Variants in FAF1 observed in about 807,000 individuals in gnomAD.
The protein encoded by FAF1 is Fas associated factor 1.
FAF1 carries 25 observed loss-of-function variants against 92.5 expected under a neutral mutation model. That is an observed-to-expected ratio of 0.27 (90% confidence interval 0.20 to 0.38). FAF1 has a LOEUF of 0.38. Ranked by LOEUF, FAF1 falls within the 10% of genes least tolerant of loss-of-function variation. The pLI, the probability that FAF1 is intolerant of heterozygous loss-of-function variation, is 1.00. For missense variants in FAF1, 636 were observed against 793.3 expected (o/e 0.80, Z 2.38); for synonymous variants, 234 against 273.2 (o/e 0.86, Z 1.42).
intron 15 of FAF1, among the ~76,000 whole-genome samples, chr1:50,522,016 C>T (rs1647523245): frequency 6.6e-6 from 1 of 152,194 alleles, no homozygotes; most frequent in African/African-American, 2.4e-5. Flanking sequence ...TCAGCAGGCA[C>T]TTTAAGAACA....
chr1:50,762,709 A>C (rs561993974), intron 4 of FAF1, among the ~76,000 whole-genome samples: 1 of 152,218 alleles, frequency 6.6e-6, no homozygotes, highest in African/African-American at 2.4e-5. Context: ...TAAAGACTTA[A>C]ATGTTAGACC....
chr1:50,821,193 A>G (rs905190780), intron 2 of FAF1, among the ~76,000 whole-genome samples: 2 of 152,212 alleles, frequency 1.3e-5, no homozygotes, highest in Non-Finnish European at 2.9e-5. Context: ...AGCTAACATC[A>G]ATATGCAACT....
At chr1:50,447,211 C>T (rs535569841) in intron 18 of FAF1, among the ~76,000 whole-genome samples, 3 of 149,592 alleles carry the variant, frequency 2.0e-5, no homozygotes, top group Middle Eastern at 3.4e-3. Flanking sequence ...CTGCAAGCTC[C>T]GCCTCCCGGG....
intron 2 of FAF1, among the ~76,000 whole-genome samples, chr1:50,806,072 TAA>T (rs1215948079): frequency 2.0e-5 from 3 of 151,506 alleles, no homozygotes; most frequent in Non-Finnish European, 4.4e-5. Context: ...ATTAAGAAAA[TAA>T]AAAGACAAGC....
rs1208758621 is a variant in FAF1, at chr1:50,583,729, A to G, written c.968-14T>C. 1 of 1,560,840 alleles carries G rather than the reference A, an allele frequency of 6.4e-7. No homozygotes were observed. The highest frequency in any genetic ancestry group is 1.8e-5 in the Admixed American group (1 of 55,730). The stretch of plus-strand genomic sequence containing the variant: ...CGTTTTCTGGCACTAAAAAACAAAC[A>G]AAAGAAAAAACAAAAACAAAAAAAC... On this transcript the variant is annotated splice_polypyrimidine_tract_variant and intron_variant, in intron 10 of 18. Transcript: ENST00000396153. This position sits in a 1 kb window ranked among gnomAD's most constrained non-coding sequence, Gnocchi z 4.2.
chr1:50,494,394 G>A (rs1464676713), intron 15 of FAF1, among the ~76,000 whole-genome samples: 3 of 152,152 alleles, frequency 2.0e-5, no homozygotes, highest in Admixed American at 1.3e-4. Context: ...TACTGTCCTT[G>A]TAGAGGTTCC....
At chr1:50,883,163 A>G (rs1270378628) in intron 1 of FAF1, among the ~76,000 whole-genome samples, 1 of 152,114 alleles carries the variant, frequency 6.6e-6, no homozygotes, top group African/African-American at 2.4e-5. Flanking sequence ...GTCCAAAACA[A>G]CACTGGGCAA....
chr1:50,780,528 C>T lies in FAF1; in HGVS notation c.367+7472G>A, dbSNP rs140298602. On this transcript the variant is annotated intron_variant, in intron 4 of 18. Transcript: ENST00000396153. Reference sequence around the variant, plus strand: ...TTTCTCATCCCCTGGGTACGGAAACCAATGATCTTTGACTTTCACTCTTGA... The same window carrying T: ...TTTCTCATCCCCTGGGTACGGAAACTAATGATCTTTGACTTTCACTCTTGA... 3.6e-5 allele frequency: 7 copies of T among 194,540 alleles called. No homozygotes were observed. The East Asian group carries it at 1.0e-3, about 28-fold the overall frequency. 12.1% of individuals were successfully genotyped at this position (194,540 alleles called of 1,614,324 possible). A position where few individuals can be genotyped will look rare whatever the true frequency, so the allele number is the denominator to read the frequency against.
intron 17 of FAF1, among the ~76,000 whole-genome samples, chr1:50,482,052 C>T (rs185291788): frequency 5.3e-4 from 81 of 152,244 alleles, no homozygotes; most frequent in Admixed American, 5.2e-3. Context: ...TTTAAATGTA[C>T]AGTTCTGTGA....
intron 9 of FAF1, among the ~76,000 whole-genome samples, chr1:50,585,379 GTAA>G (rs1651177651): frequency 6.6e-6 from 1 of 152,136 alleles, no homozygotes; most frequent in African/African-American, 2.4e-5. Context: ...CATATGAGTT[GTAA>G]TAATAATGTT....
chr1:50,771,515 A>C (rs566255599), intron 4 of FAF1, among the ~76,000 whole-genome samples: 1 of 152,202 alleles, frequency 6.6e-6, no homozygotes, highest in Non-Finnish European at 1.5e-5. Context: ...AGCATACACA[A>C]AATGCTTAGT....
chr1:50,481,358 G>C (rs1646702130), intron 17 of FAF1, among the ~76,000 whole-genome samples: 1 of 152,084 alleles, frequency 6.6e-6, no homozygotes, highest in Non-Finnish European at 1.5e-5. Context: ...ACCCTACACA[G>C]GTGCAACATT....
chr1:50,561,123 T>C (rs1649880429), intron 13 of FAF1, among the ~76,000 whole-genome samples: 1 of 152,216 alleles, frequency 6.6e-6, no homozygotes, highest in Non-Finnish European at 1.5e-5. Flanking sequence ...CATCCCAGAA[T>C]GGCCCAATTT....
intron 8 of FAF1, among the ~76,000 whole-genome samples, chr1:50,604,015 C>G (rs901188992): frequency 1.3e-5 from 2 of 152,198 alleles, no homozygotes; most frequent in Non-Finnish European, 1.5e-5. Context: ...CCAACAGTTA[C>G]AAGTTCTCAG....
intron 7 of FAF1, among the ~76,000 whole-genome samples, chr1:50,699,199 T>G (rs1321877842): frequency 6.6e-6 from 1 of 152,126 alleles, no homozygotes; most frequent in Non-Finnish European, 1.5e-5. Context: ...GCAGGTGATG[T>G]ATATTCCTAA....
At chr1:50,630,468 T>A (rs1294170902) in intron 8 of FAF1, among the ~76,000 whole-genome samples, 1 of 152,202 alleles carries the variant, frequency 6.6e-6, no homozygotes, top group Non-Finnish European at 1.5e-5. Flanking sequence ...AAAGAGCCAA[T>A]TCCCTAAATA....
At chr1:50,795,551 T>C (rs751918933) in intron 3 of FAF1, among the ~76,000 whole-genome samples, 1 of 152,206 alleles carries the variant, frequency 6.6e-6, no homozygotes, top group African/African-American at 2.4e-5. Flanking sequence ...ACCTCAAAGC[T>C]TGGGGGTCCT....
At chr1:50,778,986 C>G (rs1661062936) in intron 4 of FAF1, among the ~76,000 whole-genome samples, 1 of 152,028 alleles carries the variant, frequency 6.6e-6, no homozygotes. Context: ...TCTCTCAAAC[C>G]CTGCCACTGT....
intron 4 of FAF1, among the ~76,000 whole-genome samples, chr1:50,779,993 C>CACACACACACAA (rs1553138718): frequency 1.3e-5 from 1 of 78,132 alleles, no homozygotes; most frequent in African/African-American, 6.6e-5. Flanking sequence ...GACAGACAGA[C>CACACACACACAA]ACACACACAC....
Sources: gnomAD v4.1 joint callset for allele counts (sites outside exome capture counted in the v4.1 genomes callset) on GRCh38, gnomAD v4.1.1 for gene constraint, Gnocchi (gnomAD v3.1) non-coding constraint, MANE v1.5 for transcripts, NCBI Gene and HGNC (gene_info 2026-07-23, HGNC 2026-07-21) for gene names.